The following GSG1L variants were observed in gnomAD, a reference collection of about 807,000 sequenced individuals.
GSG1L encodes GSG1 like.
In GSG1L, 24 loss-of-function variants were observed where a neutral mutation model predicts 42.1. The ratio of observed to expected loss-of-function variants is 0.57; its 90% confidence interval spans 0.41 to 0.80. The LOEUF (loss-of-function observed/expected upper bound fraction) is 0.80. Among genes scored for constraint, GSG1L ranks in the 30% least tolerant of loss-of-function variants. The pLI is 0.00. For missense variants in GSG1L, 445 were observed against 472.2 expected, an observed-to-expected ratio of 0.94 and a Z score of 0.53; for synonymous variants, 215 against 203.5, an observed-to-expected ratio of 1.06 and a Z score of -0.48.
intron 2 of GSG1L, among the ~76,000 whole-genome samples, chr16:27,951,831 G>A (rs185847133): frequency 3.2e-4 from 49 of 152,278 alleles, no homozygotes; most frequent in African/African-American, 1.1e-3. Context: ...GATTTCAGGC[G>A]GAGAACAGAG....
At chr16:28,055,288 TGGGACTTACA>T (rs941148437) in intron 1 of GSG1L, among the ~76,000 whole-genome samples, 7 of 152,154 alleles carry the variant, frequency 4.6e-5, no homozygotes, top group African/African-American at 1.7e-4. Flanking sequence ...CCTGAGTAGC[TGGGACTTACA>T]GGCACACACC....
intron 1 of GSG1L, among the ~76,000 whole-genome samples, chr16:28,012,937 A>C (rs1160069769): frequency 6.6e-6 from 1 of 151,024 alleles, no homozygotes; most frequent in Non-Finnish European, 1.5e-5. Flanking sequence ...TATAAAACTT[A>C]CAAGTGCCCA....
intron 2 of GSG1L, among the ~76,000 whole-genome samples, chr16:27,913,617 A>G (rs1346912900): frequency 6.6e-6 from 1 of 152,186 alleles, no homozygotes; most frequent in Non-Finnish European, 1.5e-5. Context: ...GAATACAGAC[A>G]AATAAAGTTT....
intron 3 of GSG1L, among the ~76,000 whole-genome samples, chr16:27,861,336 C>T (rs1352966939): frequency 6.6e-6 from 1 of 151,866 alleles, no homozygotes; most frequent in Non-Finnish European, 1.5e-5. Flanking sequence ...GAGATCGCGC[C>T]AGTGCACTCT....
rs571597934 is a variant in GSG1L at position 27,844,172 on chromosome 16, C to T, written c.662+778G>A. Reference sequence around the variant, plus strand: ...CTTAGACTGATGCAGGTAGGTTTTTCTGTTACAACCCAGAGCACCCTAGCT... The same window carrying T: ...CTTAGACTGATGCAGGTAGGTTTTTTTGTTACAACCCAGAGCACCCTAGCT... On this transcript the variant is annotated intron_variant, in intron 4 of 6. Coordinates refer to ENST00000447459, the MANE Select transcript of GSG1L (RefSeq NM_001109763.2). Among the ~76,000 whole-genome samples the T allele has an allele frequency of 2.4e-3, 362 of 152,298 alleles. 1 individual carries two copies. Among genetic ancestry groups the T allele is most frequent in the African/African-American group, 8.0e-3 (334 of 41,562 alleles).
At chr16:28,038,437 G>A (rs970325285) in intron 1 of GSG1L, among the ~76,000 whole-genome samples, 7 of 152,168 alleles carry the variant, frequency 4.6e-5, no homozygotes, top group African/African-American at 1.2e-4. Flanking sequence ...AGAGTCCAGC[G>A]GCCTTGAGGC....
intron 2 of GSG1L, among the ~76,000 whole-genome samples, chr16:27,927,314 T>G (rs558703429): frequency 6.6e-6 from 1 of 152,112 alleles, no homozygotes; most frequent in African/African-American, 2.4e-5. Flanking sequence ...ATTTTTCAAT[T>G]TTTTTGTAGA....
intron 3 of GSG1L, among the ~76,000 whole-genome samples, chr16:27,874,718 A>C (rs2083866393): frequency 6.6e-6 from 1 of 152,134 alleles, no homozygotes; most frequent in African/African-American, 2.4e-5. Context: ...GACCCTTGCC[A>C]ACCTTGCCCT....
At chr16:27,991,601 C>T (rs1326974013) in intron 1 of GSG1L, among the ~76,000 whole-genome samples, 5 of 151,798 alleles carry the variant, frequency 3.3e-5, no homozygotes, top group East Asian at 1.9e-4. Flanking sequence ...CACGAGGTTT[C>T]GCCATGTTGG....
intron 5 of GSG1L, among the ~76,000 whole-genome samples, chr16:27,827,518 G>A (rs2140964611): frequency 6.6e-6 from 1 of 152,200 alleles, no homozygotes. Flanking sequence ...GAGTGGTAGT[G>A]GTAGCTGGCC....
In GSG1L at chr16:27,959,148, T is replaced by C. The variant is rs1323771223; in HGVS notation, c.397+4008A>G. Among the ~76,000 whole-genome samples the C allele has an allele frequency of 2.7e-5, 4 of 150,054 alleles. No homozygotes were observed. In the East Asian group the frequency reaches 7.9e-4, roughly 30 times the overall value. ...GAACTGGCTGTTGATTGGGGTTTCCTAGGTAGCTTCAGGATAGGGGTTCAC... is the reference window on the plus strand; with the variant it reads ...GAACTGGCTGTTGATTGGGGTTTCCCAGGTAGCTTCAGGATAGGGGTTCAC... On this transcript the variant is annotated intron_variant, in intron 2 of 6. Transcript: ENST00000447459.
chr16:27,908,788 T>C (rs1397751670), intron 2 of GSG1L, among the ~76,000 whole-genome samples: 1 of 152,216 alleles, frequency 6.6e-6, no homozygotes, highest in Admixed American at 6.5e-5. Flanking sequence ...TTCCAACACA[T>C]GAATTTTTGG....
Position 27,988,744 on chromosome 16 carries a change from T to C in GSG1L, c.350-25541A>G, listed in dbSNP as rs2085416607. On this transcript the variant is annotated intron_variant, in intron 1 of 6. Transcript: ENST00000447459. ...TATTTTGTTTACCTTTTCAGTCAAC[T>C]GCAATTAAGAAAAAAAAAAAAAGGA... is the stretch of plus-strand genomic sequence containing the variant. Among the ~76,000 whole-genome samples the C allele has an allele frequency of 4.1e-5, 5 of 122,350 alleles. No individual in the cohort carries two copies. In the South Asian group the frequency reaches 1.5e-3, roughly 36 times the overall value. 80.3% of individuals were successfully genotyped at this position (122,350 alleles called of 152,430 possible).
At chr16:27,962,942 A>C (rs184135607) in intron 2 of GSG1L, among the ~76,000 whole-genome samples, 1 of 152,308 alleles carries the variant, frequency 6.6e-6, no homozygotes, top group East Asian at 1.9e-4. Flanking sequence ...TCTGTCAGAC[A>C]GGGAGGGCAG....
intron 3 of GSG1L, among the ~76,000 whole-genome samples, chr16:27,856,764 C>T (rs1022848829): frequency 1.3e-5 from 2 of 152,176 alleles, no homozygotes; most frequent in African/African-American, 4.8e-5. Flanking sequence ...AGAGAAAATG[C>T]GAAGTGAACA....
intron 4 of GSG1L, among the ~76,000 whole-genome samples, chr16:27,832,879 A>T (rs1282241916): frequency 6.6e-6 from 1 of 152,180 alleles, no homozygotes; most frequent in East Asian, 1.9e-4. Flanking sequence ...CTTTGTCAGA[A>T]ATGTGGTTTA....
chr16:27,794,848 G>A (rs945171252), intron 6 of GSG1L, among the ~76,000 whole-genome samples: 4 of 152,094 alleles, frequency 2.6e-5, no homozygotes, highest in Admixed American at 1.3e-4. Flanking sequence ...AGGTGGGAGC[G>A]CCCTTCCCTG....
intron 5 of GSG1L, among the ~76,000 whole-genome samples, chr16:27,824,650 T>C (rs1031276997): frequency 2.0e-5 from 3 of 152,200 alleles, no homozygotes; most frequent in South Asian, 2.1e-4. Context: ...CTGCATAATG[T>C]TCAAGTTATG....
chr16:28,003,988 C>T (rs564532595), intron 1 of GSG1L, among the ~76,000 whole-genome samples: 5 of 152,352 alleles, frequency 3.3e-5, no homozygotes, highest in Admixed American at 6.5e-5. Context: ...CAGGATGACA[C>T]GGGCGGCACA....
Sources: gnomAD v4.1 joint callset for allele counts (sites outside exome capture counted in the v4.1 genomes callset) on GRCh38, gnomAD v4.1.1 for gene constraint, MANE v1.5 for transcripts, NCBI Gene and HGNC (gene_info 2026-07-23, HGNC 2026-07-21) for gene names.